Variants in GBE1 observed in about 807,000 individuals in gnomAD.
GBE1 encodes the protein 1,4-alpha-glucan-branching enzyme.
Under a neutral mutation model 88.8 loss-of-function variants are expected in GBE1, and 70 were observed. That is an observed-to-expected ratio of 0.79 (90% CI 0.65 to 0.96). GBE1 has a LOEUF of 0.96. GBE1 is among the 40% of genes least tolerant of loss of function. GBE1 has a pLI of 0.00. For synonymous variants in GBE1, 284 were observed against 300.1 expected (o/e 0.95, Z 0.56); for missense variants, 872 against 871.0 (o/e 1.00, Z -0.01).
chr3:81,705,874 AT>A (rs1417089230), intron 1 of GBE1, among the ~76,000 whole-genome samples: 1 of 152,176 alleles, frequency 6.6e-6, no homozygotes, highest in Non-Finnish European at 1.5e-5. Context: ...TGGTTATACT[AT>A]TTCATGAATT....
chr3:81,593,854 G>A (rs1164602468), intron 8 of GBE1, 54 bp downstream of exon 8: 1 of 802,104 alleles, frequency 1.2e-6, no homozygotes, highest in African/African-American at 1.8e-5. Flanking sequence ...CACCAGTAAT[G>A]GCTATTGCAG....
intron 14 of GBE1, among the ~76,000 whole-genome samples, chr3:81,527,024 A>G: frequency 6.6e-6 from 1 of 152,108 alleles, no homozygotes; most frequent in East Asian, 1.9e-4. Flanking sequence ...AAACAGAGAT[A>G]TAGACCAATG....
intron 14 of GBE1, among the ~76,000 whole-genome samples, chr3:81,521,891 A>G (rs904529966): frequency 6.6e-6 from 1 of 151,600 alleles, no homozygotes; most frequent in African/African-American, 2.4e-5. Flanking sequence ...ATGGAAATAC[A>G]ATGTGAAAGG....
rs114628765 is a variant in GBE1, at chr3:81,542,808, T to C, written c.1619-5713A>G. On this transcript the variant is annotated intron_variant, in intron 12 of 15. Transcript: ENST00000429644. The stretch of plus-strand genomic sequence containing the variant: ...CCAAACCTCAGTGTCATGCAATATA[T>C]CCACATAACAAACTGCCCATGTACC... Among the ~76,000 whole-genome samples the C allele has an allele frequency of 4.2e-3, 632 of 152,084 alleles. 6 individuals carry two copies. Among genetic ancestry groups the C allele is most frequent in the Middle Eastern group, 0.024 (7 of 294 alleles).
intron 9 of GBE1, among the ~76,000 whole-genome samples, chr3:81,589,415 T>C (rs1157300802): frequency 6.6e-6 from 1 of 151,672 alleles, no homozygotes; most frequent in Non-Finnish European, 1.5e-5. Context: ...GGATCAATTC[T>C]ACATTTGGAA....
intron 14 of GBE1, among the ~76,000 whole-genome samples, chr3:81,507,249 A>AT (rs1702666697): frequency 6.6e-6 from 1 of 152,072 alleles, no homozygotes; most frequent in Non-Finnish European, 1.5e-5. Context: ...AATAAAATTT[A>AT]TAAGAAAGTA....
At position 81,591,006 on chromosome 3, in the gene GBE1, G is replaced by A. The variant is rs187958527; in HGVS notation, c.1236+31C>T. 8 of 1,582,924 alleles carry A rather than the reference G, an allele frequency of 5.1e-6. No individual in the cohort carries two copies. In the Admixed American group the frequency reaches 1.2e-4, roughly 24 times the overall value. ...GACAAAATACTCTCTATTAAAGGGG[G>A]TCAGAAGGTAAGACTTCACTATGGC... On this transcript the variant is annotated intron_variant, in intron 9 of 15. Coordinates refer to ENST00000429644, the MANE Select transcript of GBE1 (RefSeq NM_000158.4).
At chr3:81,747,305 C>T (rs1017721783) in intron 1 of GBE1, among the ~76,000 whole-genome samples, 3 of 152,110 alleles carry the variant, frequency 2.0e-5, no homozygotes, top group African/African-American at 7.2e-5. Context: ...GATAGAAAGA[C>T]AAGCCACAGA....
chr3:81,694,338 G>A (rs1298816746), intron 2 of GBE1, among the ~76,000 whole-genome samples: 1 of 152,182 alleles, frequency 6.6e-6, no homozygotes, highest in Non-Finnish European at 1.5e-5. Flanking sequence ...ATACATAATA[G>A]TATGTACAAA....
intron 1 of GBE1, among the ~76,000 whole-genome samples, chr3:81,724,494 TCA>T (rs1160062674): frequency 6.6e-6 from 1 of 152,086 alleles, no homozygotes; most frequent in African/African-American, 2.4e-5. Flanking sequence ...ATAAAAAGAA[TCA>T]CAGATTTTTC....
chr3:81,539,376 A>T (rs1703117026), intron 12 of GBE1, among the ~76,000 whole-genome samples: 1 of 152,012 alleles, frequency 6.6e-6, no homozygotes, highest in South Asian at 2.1e-4. Context: ...GACTTGTGGT[A>T]AGGAGATAAA....
rs765385181 is a variant in GBE1, at chr3:81,625,020, C to T, written c.992+17761G>A. On this transcript the variant is annotated intron_variant, in intron 7 of 15. Transcript: ENST00000429644. The stretch of plus-strand genomic sequence containing the variant: ...AGAGTAGGGTCCTAAAATAAAACCA[C>T]GGCTACACTTTTCCTGACATAGACT... Among the ~76,000 whole-genome samples, 5 of 149,476 alleles carry T rather than the reference C, an allele frequency of 3.3e-5. No individual in the cohort carries two copies. The South Asian group carries it at 6.4e-4, about 19-fold the overall frequency.
chr3:81,732,832 C>T (rs1041920075), intron 1 of GBE1, among the ~76,000 whole-genome samples: 4 of 152,240 alleles, frequency 2.6e-5, no homozygotes, highest in Admixed American at 6.5e-5. Flanking sequence ...ATGTCACTCA[C>T]AGTAAAAGCT....
At chr3:81,505,697 T>C (rs1441205795) in intron 14 of GBE1, among the ~76,000 whole-genome samples, 1 of 152,122 alleles carries the variant, frequency 6.6e-6, no homozygotes, top group Non-Finnish European at 1.5e-5. Flanking sequence ...ACTACATAGA[T>C]AATGTGCAGG....
chr3:81,639,349 T>TA (rs1553687946), intron 7 of GBE1, among the ~76,000 whole-genome samples: 102 of 142,180 alleles, frequency 7.2e-4, no homozygotes, highest in African/African-American at 2.2e-3. Context: ...GTATTTTTTT[T>TA]TAAAAAAAAT....
intron 12 of GBE1, among the ~76,000 whole-genome samples, chr3:81,551,545 CTCAA>C (rs1476309104): frequency 1.3e-5 from 2 of 152,160 alleles, no homozygotes; most frequent in Non-Finnish European, 2.9e-5. Context: ...TAAGCAGAAA[CTCAA>C]TGCAACCATT....
chr3:81,636,887 T>C (rs1704599990), intron 7 of GBE1, among the ~76,000 whole-genome samples: 1 of 152,168 alleles, frequency 6.6e-6, no homozygotes, highest in South Asian at 2.1e-4. Flanking sequence ...AATGATGCTA[T>C]ATTACTTCAA....
intron 7 of GBE1, among the ~76,000 whole-genome samples, chr3:81,597,109 T>G (rs1428730630): frequency 1.3e-5 from 2 of 151,916 alleles, no homozygotes; most frequent in African/African-American, 4.8e-5. Flanking sequence ...ACTGAATGGT[T>G]TGCCTTGAGT....
chr3:81,712,877 TTTC>T (rs1331451663), intron 1 of GBE1, among the ~76,000 whole-genome samples: 2 of 152,162 alleles, frequency 1.3e-5, no homozygotes, highest in Admixed American at 6.6e-5. Context: ...TCACAGAAAC[TTTC>T]TTTCTTAAGT....
Sources: gnomAD v4.1 joint callset for allele counts (sites outside exome capture counted in the v4.1 genomes callset) on GRCh38, gnomAD v4.1.1 for gene constraint, MANE v1.5 for transcripts, NCBI Gene and HGNC (gene_info 2026-07-23, HGNC 2026-07-21) for gene names.